Variants in CDCP1 observed in about 807,000 individuals in gnomAD.
CDCP1 encodes CUB domain containing protein 1, also known as CUB domain-containing protein 1.
A neutral mutation model predicts 60.2 loss-of-function variants in CDCP1; 29 were observed. The observed-to-expected ratio is 0.48, with a 90% CI of 0.36 to 0.66. The LOEUF (loss-of-function observed/expected upper bound fraction) is 0.66, where lower values mean the gene tolerates loss of function less well. Among genes scored for constraint, CDCP1 ranks in the 30% least tolerant of loss-of-function variants. The pLI is 0.00. For synonymous variants in CDCP1, 387 were observed against 431.1 expected (o/e 0.90, Z 1.27); for missense variants, 876 against 1,074.3 (o/e 0.82, Z 2.58).
rs1172643921 is a variant in CDCP1, at chr3:45,082,960, A to C, written c.*2678T>G. 1 of 152,214 alleles carries C rather than the reference A, an allele frequency of 6.6e-6. No homozygotes were observed. Among genetic ancestry groups the C allele is most frequent in the African/African-American group, 2.4e-5 (1 of 41,454 alleles). The allele number at this position is 152,214 out of a possible 1,614,324, so 9.4% of individuals were successfully genotyped here. On this transcript the variant is annotated 3_prime_UTR_variant, in exon 9 of 9. Coordinates refer to ENST00000296129, the MANE Select transcript of CDCP1 (RefSeq NM_022842.5). ...GGAAATACTGGTCTCAGGAGCCAGC[A>C]ACTTGTCCAGGAGTTTTGAGCCCTC...
At position 45,110,736 on chromosome 3, in the gene CDCP1, A is replaced by G; in HGVS notation, c.761T>C (p.Phe254Ser). 1 of 1,614,168 alleles carries G rather than the reference A, an allele frequency of 6.2e-7. No individual in the cohort carries two copies. Among genetic ancestry groups the G allele is most frequent in the Non-Finnish European group, 8.5e-7 (1 of 1,180,038 alleles). Residue 254 changes from phenylalanine to serine, a missense_variant, in exon 4 of 9, where the codon TTT (phenylalanine) becomes TCT (serine). By Grantham distance (155) the Phe-to-Ser change is radical. Around this residue, in one of 2 missense-constraint regions of CDCP1, gnomAD observed 726 missense variants for 935.7 expected, o/e 0.78. Coordinates refer to ENST00000296129, the MANE Select transcript of CDCP1 (RefSeq NM_022842.5). ...FPEDELMTWQ[F>S]VVPAHLRASV... is the part of the protein sequence containing the mutation. ...GGCCCGCAGGTGTGCAGGAACGACA[A>G]ACTGCCACGTCATGAGCTCATCCTC...
intron 1 of CDCP1, chr3:45,139,228 T>G (rs1395951795): frequency 3.3e-5 from 5 of 152,330 alleles, no homozygotes; most frequent in African/African-American, 1.2e-4. Flanking sequence ...CACAAAGTCA[T>G]GAAATTCTCA....
chr3:45,134,344 T>A (rs1699157466), intron 1 of CDCP1, among the ~76,000 whole-genome samples: 1 of 152,224 alleles, frequency 6.6e-6, no homozygotes, highest in African/African-American at 2.4e-5. Flanking sequence ...CAGGATGGTC[T>A]CGATCTCCTG....
chr3:45,104,774 C>A (rs1409934385), intron 4 of CDCP1, among the ~76,000 whole-genome samples: 5 of 152,172 alleles, frequency 3.3e-5, no homozygotes, highest in African/African-American at 9.7e-5. Context: ...ACATTTGAGG[C>A]TGGGTGTGGT....
Position 45,134,632 on chromosome 3 carries a change from C to T in CDCP1, c.82+11574G>A, listed in dbSNP as rs551947919. Among the ~76,000 whole-genome samples, 11 of 152,222 alleles carry T rather than the reference C, an allele frequency of 7.2e-5. No individual in the cohort carries two copies. In the South Asian group the frequency reaches 8.3e-4, roughly 12 times the overall value. ...TGTCCAGCAATCTTAAAGTGGGGGA[C>T]GGGAGAGCAAACCACACAGCCTGAG... is the stretch of plus-strand genomic sequence containing the variant. On this transcript the variant is annotated intron_variant, in intron 1 of 8. Coordinates refer to ENST00000296129, the MANE Select transcript of CDCP1 (RefSeq NM_022842.5).
chr3:45,130,030 G>GACAC (rs58587894), intron 1 of CDCP1, among the ~76,000 whole-genome samples: 9 of 142,076 alleles, frequency 6.3e-5, no homozygotes, highest in South Asian at 4.3e-4. Context: ...TTGGTAACAA[G>GACAC]ACACACACAC....
At chr3:45,121,689 T>C (rs1698888113) in intron 1 of CDCP1, among the ~76,000 whole-genome samples, 1 of 152,172 alleles carries the variant, frequency 6.6e-6, no homozygotes, top group African/African-American at 2.4e-5. Flanking sequence ...GGAGAGGGAA[T>C]GGAGTACCAG....
At chr3:45,102,674 T>C (rs1698499979) in intron 4 of CDCP1, among the ~76,000 whole-genome samples, 1 of 151,340 alleles carries the variant, frequency 6.6e-6, no homozygotes, top group Non-Finnish European at 1.5e-5. Context: ...AGAAAAATTA[T>C]TATTGTTTTG....
intron 1 of CDCP1, among the ~76,000 whole-genome samples, chr3:45,134,688 G>A (rs1345789049): frequency 6.6e-6 from 1 of 152,196 alleles, no homozygotes; most frequent in Non-Finnish European, 1.5e-5. Flanking sequence ...TGAAGCCCTT[G>A]CAAGCGACCA....
At chr3:45,140,765 C>G (rs1439943453) in intron 1 of CDCP1, among the ~76,000 whole-genome samples, 1 of 152,202 alleles carries the variant, frequency 6.6e-6, no homozygotes, top group African/African-American at 2.4e-5. Context: ...CACTGTAGAA[C>G]TTATGTTTCA....
At position 45,082,689 on chromosome 3, in the gene CDCP1, T is replaced by A. The variant is rs961353111; in HGVS notation, c.*2949A>T. 6.6e-6 allele frequency: 1 copy of A among 152,246 alleles called. No homozygotes were observed. The highest frequency in any genetic ancestry group is 2.4e-5 in the African/African-American group (1 of 41,450). 9.4% of individuals were successfully genotyped at this position (152,246 alleles called of 1,614,324 possible). On this transcript the variant is annotated 3_prime_UTR_variant, in exon 9 of 9. Coordinates refer to ENST00000296129, the MANE Select transcript of CDCP1 (RefSeq NM_022842.5). ...GGCTTGTGCTTGTTCCAGTTGACTCTTCCTTGAGACCTTTCCCTTCTGTGC... is the reference window on the plus strand; with the variant it reads ...GGCTTGTGCTTGTTCCAGTTGACTCATCCTTGAGACCTTTCCCTTCTGTGC...
chr3:45,119,436 T>C (rs955701167), intron 1 of CDCP1, among the ~76,000 whole-genome samples: 2 of 152,146 alleles, frequency 1.3e-5, no homozygotes. Context: ...CTGCCCTATC[T>C]TGGATTCTGA....
At position 45,095,504 on chromosome 3, in the gene CDCP1, G is replaced by C. The variant is rs759964603; in HGVS notation, c.1089C>G (p.Pro363=). Residue 363 remains proline (P), a synonymous_variant, in exon 5 of 9, where the codon CCC becomes CCG. Transcript: ENST00000296129. ...RAMSLTIEPR[P]VKQSRKFVPG... ...GGACAAACTTGCGGCTCTGTTTGAC[G>C]GGCCGTGGCTCGATGGTGAGTGACA... 1.9e-6 allele frequency: 3 copies of C among 1,614,150 alleles called. No homozygotes were observed. The highest frequency in any genetic ancestry group is 3.3e-5 in the Admixed American group (2 of 60,022).
intron 6 of CDCP1, among the ~76,000 whole-genome samples, chr3:45,092,283 G>A (rs1316557437): frequency 1.3e-5 from 2 of 152,170 alleles, no homozygotes; most frequent in Admixed American, 6.5e-5. Flanking sequence ...TGCTCTCAAC[G>A]TAGCTACTAT....
chr3:45,123,937 G>C (rs1698929882), intron 1 of CDCP1, among the ~76,000 whole-genome samples: 1 of 152,114 alleles, frequency 6.6e-6, no homozygotes, highest in African/African-American at 2.4e-5. Flanking sequence ...CCTGGGCTTA[G>C]GGCATTTGGA....
intron 8 of CDCP1, 26 bp downstream of exon 8, chr3:45,089,028 T>G: frequency 6.3e-7 from 1 of 1,578,218 alleles, no homozygotes; most frequent in Non-Finnish European, 8.7e-7. Flanking sequence ...TCAAATCAGA[T>G]AAAGAGAGTA....
chr3:45,116,143 A>G (rs1698785569), intron 2 of CDCP1, among the ~76,000 whole-genome samples: 1 of 151,536 alleles, frequency 6.6e-6, no homozygotes, highest in Non-Finnish European at 1.5e-5. Flanking sequence ...TTCTTGATAG[A>G]TGCTCTTTAT....
chr3:45,125,381 A>T (rs1448358349), intron 1 of CDCP1, among the ~76,000 whole-genome samples: 2 of 152,148 alleles, frequency 1.3e-5, no homozygotes, highest in African/African-American at 4.8e-5. Context: ...CAAACTGTCT[A>T]GGGTCAATTC....
chr3:45,088,472 C>T (rs1311230598), intron 8 of CDCP1, among the ~76,000 whole-genome samples: 2 of 151,530 alleles, frequency 1.3e-5, no homozygotes, highest in Non-Finnish European at 2.9e-5. Flanking sequence ...GACTCTGTCT[C>T]AAAAATAAAT....
Sources: gnomAD v4.1 joint callset for allele counts (sites outside exome capture counted in the v4.1 genomes callset) on GRCh38, gnomAD v4.1.1 for gene constraint, gnomAD v4.1.1 regional missense constraint, MANE v1.5 for transcripts, NCBI Gene and HGNC (gene_info 2026-07-23, HGNC 2026-07-21) for gene names.